The following CACNA2D3 variants were observed in gnomAD, a reference collection of about 807,000 sequenced individuals.
CACNA2D3 encodes calcium voltage-gated channel auxiliary subunit alpha2delta 3.
In CACNA2D3, 60 loss-of-function variants were observed where a neutral mutation model predicts 160.6. The ratio of observed to expected loss-of-function variants is 0.37; its 90% CI spans 0.30 to 0.46. The LOEUF is 0.46. Among genes scored for constraint, CACNA2D3 ranks in the 20% least tolerant of loss-of-function variants. CACNA2D3 has a pLI of 1.00. For synonymous variants in CACNA2D3, 558 were observed against 492.9 expected (o/e 1.13, Z -1.75); for missense variants, 1,205 against 1,365.0 (o/e 0.88, Z 1.85).
intron 9 of CACNA2D3, among the ~76,000 whole-genome samples, chr3:54,604,324 A>G (rs1200222304): frequency 1.3e-5 from 2 of 152,198 alleles, no homozygotes; most frequent in African/African-American, 4.8e-5. Flanking sequence ...AAGACAGATA[A>G]TAAAGTATTG....
At position 54,782,773 on chromosome 3, in the gene CACNA2D3, C is replaced by T. The variant is rs745722251; in HGVS notation, c.1380+18422C>T. ...ACTTTATGACTACATCATTTAGAAA[C>T]GACTAGAGTAAGAACCAAGAAGCTT... On this transcript the variant is annotated intron_variant, in intron 13 of 37. Transcript: ENST00000474759. 1.3e-4 allele frequency among the ~76,000 whole-genome samples: 20 copies of T among 152,154 alleles called. No individual in the cohort carries two copies. In the East Asian group the frequency reaches 1.7e-3, roughly 13 times the overall value.
At chr3:54,314,770 T>C (rs1432185626) in intron 2 of CACNA2D3, among the ~76,000 whole-genome samples, 2 of 152,222 alleles carry the variant, frequency 1.3e-5, no homozygotes, top group African/African-American at 4.8e-5. Context: ...GTGCTTGGTG[T>C]CTAGCACCCT....
At chr3:54,381,908 T>TTACA (rs1243014280) in intron 3 of CACNA2D3, among the ~76,000 whole-genome samples, 3 of 152,226 alleles carry the variant, frequency 2.0e-5, no homozygotes, top group African/African-American at 7.2e-5. Flanking sequence ...AACTCATGAA[T>TTACA]TACAACCTTT....
intron 4 of CACNA2D3, among the ~76,000 whole-genome samples, chr3:54,405,098 TCTATA>T (rs71617800): frequency 0.33 from 50,231 of 150,552 alleles, 8,611 homozygotes; most frequent in East Asian, 0.4. Context: ...TACTAAAATG[TCTATA>T]CTATACTATA....
chr3:55,045,061 T>C (rs965341500), intron 35 of CACNA2D3, among the ~76,000 whole-genome samples: 2 of 152,024 alleles, frequency 1.3e-5, no homozygotes, highest in Admixed American at 1.3e-4. Context: ...GTGGTTTTTG[T>C]TTTTGAGACA....
At chr3:54,649,934 A>G (rs1025717016) in intron 11 of CACNA2D3, among the ~76,000 whole-genome samples, 9 of 152,184 alleles carry the variant, frequency 5.9e-5, no homozygotes, top group Non-Finnish European at 1.2e-4. Flanking sequence ...CTGTCAAATA[A>G]CAGAGCCCAT....
At chr3:54,180,616 G>A (rs1700765888) in intron 2 of CACNA2D3, among the ~76,000 whole-genome samples, 1 of 152,124 alleles carries the variant, frequency 6.6e-6, no homozygotes, top group African/African-American at 2.4e-5. Flanking sequence ...ACTGCCCCCA[G>A]CCCCAATCAT....
intron 10 of CACNA2D3, among the ~76,000 whole-genome samples, chr3:54,636,760 A>G (rs549962928): frequency 1.3e-5 from 2 of 152,022 alleles, no homozygotes; most frequent in African/African-American, 2.4e-5. Flanking sequence ...TCAGCAGGGA[A>G]AGCACGTGTG....
At chr3:55,040,916 G>A (rs572186565) in intron 35 of CACNA2D3, among the ~76,000 whole-genome samples, 1 of 152,028 alleles carries the variant, frequency 6.6e-6, no homozygotes, top group South Asian at 2.1e-4. Flanking sequence ...TCTCCTAATA[G>A]GTAATCATTT....
intron 11 of CACNA2D3, among the ~76,000 whole-genome samples, chr3:54,687,345 G>A (rs142611849): frequency 4.9e-4 from 74 of 149,788 alleles, no homozygotes; most frequent in Admixed American, 1.0e-3. Context: ...TGGAGACGGG[G>A]TTTCACCATG....
At chr3:54,865,456 A>G (rs1699379811) in intron 17 of CACNA2D3, among the ~76,000 whole-genome samples, 2 of 152,188 alleles carry the variant, frequency 1.3e-5, no homozygotes, top group African/African-American at 4.8e-5. Flanking sequence ...GTAGGGGCTG[A>G]CAGAGGCCAC....
chr3:54,301,101 A>G (rs1487091309), intron 2 of CACNA2D3, among the ~76,000 whole-genome samples: 1 of 151,870 alleles, frequency 6.6e-6, no homozygotes, highest in East Asian at 1.9e-4. Context: ...TCAAAAGAAC[A>G]AATAAATTAG....
chr3:54,167,956 C>T (rs1223208674), intron 2 of CACNA2D3, among the ~76,000 whole-genome samples: 1 of 152,138 alleles, frequency 6.6e-6, no homozygotes, highest in Admixed American at 6.5e-5. Flanking sequence ...AATGACAGTC[C>T]CTTCCTTGTC....
rs1372020375 is a variant in CACNA2D3 at position 54,157,419 on chromosome 3, GC to G, written c.204+33829del. On this transcript the variant is annotated intron_variant, in intron 2 of 37. Coordinates refer to ENST00000474759, the MANE Select transcript of CACNA2D3 (RefSeq NM_018398.3). ...TTTTGGAAGTCAGCAGAGGTCTCCA[GC>G]CCCTGTGCTTGGATGACTTCCTCTT... 2.6e-5 allele frequency among the ~76,000 whole-genome samples: 4 copies of G among 152,298 alleles called. No homozygotes were observed. In the East Asian group the frequency reaches 7.7e-4, roughly 29 times the overall value.
chr3:54,156,781 C>T (rs1395021610), intron 2 of CACNA2D3, among the ~76,000 whole-genome samples: 2 of 152,190 alleles, frequency 1.3e-5, no homozygotes, highest in Non-Finnish European at 2.9e-5. Flanking sequence ...GATCCTCCAA[C>T]GTCATTTAGC....
intron 31 of CACNA2D3, among the ~76,000 whole-genome samples, chr3:54,989,187 A>C (rs1373338737): frequency 6.6e-6 from 1 of 152,234 alleles, no homozygotes; most frequent in Non-Finnish European, 1.5e-5. Flanking sequence ...ATAATCGCAC[A>C]CGTGTTTCTC....
chr3:54,918,070 C>T (rs150538936), intron 27 of CACNA2D3, among the ~76,000 whole-genome samples: 3 of 152,228 alleles, frequency 2.0e-5, no homozygotes, highest in Non-Finnish European at 2.9e-5. Flanking sequence ...TTCCAGTGGA[C>T]CATAAAGCTC....
At chr3:54,808,185 C>A (rs1227842569) in intron 13 of CACNA2D3, among the ~76,000 whole-genome samples, 1 of 151,732 alleles carries the variant, frequency 6.6e-6, no homozygotes, top group East Asian at 1.9e-4. Flanking sequence ...TGCACATGTA[C>A]CCTACAATTT....
chr3:54,919,375 A>G (rs1202300750), intron 27 of CACNA2D3, among the ~76,000 whole-genome samples: 2 of 152,218 alleles, frequency 1.3e-5, no homozygotes, highest in African/African-American at 2.4e-5. Context: ...GTGTGTCTCA[A>G]CACTGTTCAG....
Sources: gnomAD v4.1 joint callset for allele counts (sites outside exome capture counted in the v4.1 genomes callset) on GRCh38, gnomAD v4.1.1 for gene constraint, MANE v1.5 for transcripts, NCBI Gene and HGNC (gene_info 2026-07-23, HGNC 2026-07-21) for gene names.